CBR4: variants seen among roughly 807,000 people sequenced by gnomAD.
CBR4 encodes the protein 3-oxoacyl-[acyl-carrier-protein] reductase.
CBR4 carries 22 observed loss-of-function variants against 21.0 expected under a neutral mutation model. That is an observed-to-expected ratio of 1.05 (90% confidence interval 0.75 to 1.50). The LOEUF is 1.50. Among genes scored for constraint, CBR4 ranks in the 40% most tolerant of loss-of-function variants. The pLI, the probability that CBR4 is intolerant of heterozygous loss-of-function variation, is 0.00. For synonymous variants in CBR4, 100 were observed against 104.4 expected (o/e 0.96, Z 0.26); for missense variants, 302 against 286.3 (o/e 1.05, Z -0.40).
At chr4:168,897,848 G>T (rs1387573149) in intron 2 of CBR4, 1 of 151,398 alleles carries the variant, frequency 6.6e-6, no homozygotes, top group Non-Finnish European at 1.5e-5. Context: ...CAAAATTTTG[G>T]CTAGACTGTC....
chr4:168,914,390 C>T (rs1010060499), intron 2 of CBR4, among the ~76,000 whole-genome samples: 2 of 152,154 alleles, frequency 1.3e-5, no homozygotes, highest in African/African-American at 4.8e-5. Flanking sequence ...AGTGGACGCA[C>T]ACATTAAAAG....
chr4:168,918,411 ATGT>A (rs758156799), intron 2 of CBR4, among the ~76,000 whole-genome samples: 1 of 152,036 alleles, frequency 6.6e-6, no homozygotes, highest in African/African-American at 2.4e-5. Flanking sequence ...GGAGGACATA[ATGT>A]TAAGTGAAAT....
chr4:169,002,004 T>C (rs1730488145), intron 4 of CBR4, 67 bp downstream of exon 4: 2 of 1,297,996 alleles, frequency 1.5e-6, no homozygotes, highest in Non-Finnish European at 2.1e-6. Context: ...TTACTAATGT[T>C]CCAAATAATG....
rs1475285665 is a variant in CBR4, at chr4:169,010,216, AAAT to A, written c.-130_-128del. ...AAAAAAAAAGGCAAACCGCAAAAAA[AAAT>A]AACGCCGCTCGACACCTCCTGCAGC... On this transcript the variant is annotated 5_prime_UTR_variant, in exon 1 of 5. Coordinates refer to ENST00000306193, the MANE Select transcript of CBR4 (RefSeq NM_032783.5). The A allele has an allele frequency of 3.5e-6, 3 of 860,346 alleles. No individual in the cohort carries two copies. The African/African-American group carries it at 5.1e-5, about 15-fold the overall frequency. The allele number at this position is 860,346 out of a possible 1,614,324, so 53.3% of individuals were successfully genotyped here.
Position 168,988,810 on chromosome 4 carries a change from A to G in CBR4, c.*1340T>C. 1.1e-6 allele frequency: 1 copy of G among 952,368 alleles called. No homozygotes were observed. Among genetic ancestry groups the G allele is most frequent in the Non-Finnish European group, 1.3e-6 (1 of 799,742 alleles). 59.0% of individuals were successfully genotyped at this position (952,368 alleles called of 1,614,324 possible). ...TAAGGAACCCAGAATTTTTATTTAG[A>G]ACACTGCTTTGACTTTTGTTATTAC... On this transcript the variant is annotated 3_prime_UTR_variant, in exon 5 of 5. Transcript: ENST00000306193.
chr4:168,918,337 T>TATATAC (rs1553981973), intron 2 of CBR4, among the ~76,000 whole-genome samples: 16 of 151,514 alleles, frequency 1.1e-4, no homozygotes, highest in Admixed American at 5.9e-4. Context: ...TATATATATA[T>TATATAC]ATACATACAT....
intron 2 of CBR4, among the ~76,000 whole-genome samples, chr4:168,967,574 T>C (rs771844087): frequency 1.3e-5 from 2 of 152,066 alleles, no homozygotes; most frequent in Non-Finnish European, 2.9e-5. Context: ...CAACCAGCAG[T>C]CTCTGCTACC....
intron 2 of CBR4, chr4:168,924,900 C>T (rs1435343758): frequency 1.2e-6 from 2 of 1,611,372 alleles, no homozygotes; most frequent in Non-Finnish European, 1.7e-6. Context: ...TCCAAAGCCA[C>T]TTTTAAAAAA....
chr4:169,006,430 C>G, intron 3 of CBR4, among the ~76,000 whole-genome samples: 1 of 152,146 alleles, frequency 6.6e-6, no homozygotes, highest in East Asian at 1.9e-4. Flanking sequence ...CATTCTTGCA[C>G]GGCAACAATC....
At position 169,010,057 on chromosome 4, in the gene CBR4, G is replaced by A. The variant is rs1304996336; in HGVS notation, c.33C>T (p.Ser11=). Residue 11 remains serine (S), a synonymous_variant, in exon 1 of 5, where the codon TCC becomes TCT. Coordinates refer to ENST00000306193, the MANE Select transcript of CBR4 (RefSeq NM_032783.5). MDKVCAVFGG[S]RGIGRAVAQL... The stretch of plus-strand genomic sequence containing the variant: ...GGGCCACAGCTCTGCCAATGCCTCG[G>A]GAGCCTCCAAAAACAGCACACACTT... The A allele has an allele frequency of 1.2e-6, 2 of 1,613,756 alleles. No individual in the cohort carries two copies. Among genetic ancestry groups the A allele is most frequent in the South Asian group, 2.2e-5 (2 of 91,016 alleles).
chr4:168,910,502 T>A (rs557989367), intron 2 of CBR4, among the ~76,000 whole-genome samples: 3 of 152,158 alleles, frequency 2.0e-5, no homozygotes, highest in Non-Finnish European at 2.9e-5. Flanking sequence ...AAAATTCCAT[T>A]ACATAAACAA....
intron 2 of CBR4, among the ~76,000 whole-genome samples, chr4:168,956,726 G>T (rs956458710): frequency 1.3e-5 from 2 of 151,880 alleles, no homozygotes; most frequent in African/African-American, 4.8e-5. Context: ...GTGTAGGAAG[G>T]GTTATTCTCT....
In CBR4 at chr4:168,972,658, A is replaced by G. The variant is rs893312335; in HGVS notation, n.169+29413T>C. On this transcript the variant is annotated intron_variant and non_coding_transcript_variant, in intron 2 of 3. Coordinates refer to the CBR4 transcript ENST00000509108. ...ATCCTGAAACTTTACTGAGTTCATT[A>G]TCAGATCTAGAAGCTTTCCAAATGA... is the stretch of plus-strand genomic sequence containing the variant. Among the ~76,000 whole-genome samples the G allele has an allele frequency of 2.0e-5, 3 of 152,314 alleles. No individual in the cohort carries two copies. The South Asian group carries it at 6.2e-4, about 32-fold the overall frequency.
intron 2 of CBR4, among the ~76,000 whole-genome samples, chr4:168,909,124 C>G (rs1159698187): frequency 1.3e-5 from 2 of 152,178 alleles, no homozygotes; most frequent in African/African-American, 4.8e-5. Context: ...AAATGAGGAT[C>G]ACAAATACAG....
chr4:168,968,352 G>A (rs973512493), intron 2 of CBR4, among the ~76,000 whole-genome samples: 1 of 152,206 alleles, frequency 6.6e-6, no homozygotes, highest in Non-Finnish European at 1.5e-5. Context: ...AGTGGATCAT[G>A]ATGTTTCACT....
At chr4:168,917,286 G>A (rs959259116) in intron 2 of CBR4, among the ~76,000 whole-genome samples, 1 of 151,972 alleles carries the variant, frequency 6.6e-6, no homozygotes, top group African/African-American at 2.4e-5. Context: ...CTGACCTCGT[G>A]ATCCGCCCTC....
chr4:168,974,390 T>C (rs1764307037), intron 2 of CBR4, among the ~76,000 whole-genome samples: 1 of 152,196 alleles, frequency 6.6e-6, no homozygotes, highest in Non-Finnish European at 1.5e-5. Context: ...TGTGCCTAGG[T>C]GATGATGTTT....
intron 2 of CBR4, among the ~76,000 whole-genome samples, chr4:168,922,985 A>G (rs1314032100): frequency 6.6e-6 from 1 of 152,172 alleles, no homozygotes; most frequent in Non-Finnish European, 1.5e-5. Flanking sequence ...TAGTTTCTCC[A>G]TATATAAAAT....
At chr4:168,957,042 A>T (rs1044020238) in intron 2 of CBR4, among the ~76,000 whole-genome samples, 4 of 152,186 alleles carry the variant, frequency 2.6e-5, no homozygotes, top group African/African-American at 9.7e-5. Flanking sequence ...TATTAATTTC[A>T]AATATGCCCA....
Sources: gnomAD v4.1 joint callset for allele counts (sites outside exome capture counted in the v4.1 genomes callset) on GRCh38, gnomAD v4.1.1 for gene constraint, MANE v1.5 for transcripts, NCBI Gene and HGNC (gene_info 2026-07-23, HGNC 2026-07-21) for gene names.